NLGN1: variants seen among roughly 807,000 people sequenced by gnomAD.
The protein encoded by NLGN1 is neuroligin 1.
Under a neutral mutation model 65.5 loss-of-function variants are expected in NLGN1, and 12 were observed. The ratio of observed to expected loss-of-function variants is 0.18; its 90% confidence interval spans 0.12 to 0.30. The LOEUF (loss-of-function observed/expected upper bound fraction) is 0.30, where lower values mean the gene tolerates loss of function less well. Ranked by LOEUF, NLGN1 falls within the 10% of genes least tolerant of loss-of-function variation. The pLI is 1.00. For missense variants in NLGN1, 750 were observed against 1,007.1 expected (o/e 0.74, Z 3.46); for synonymous variants, 350 against 359.5 (o/e 0.97, Z 0.30).
In NLGN1 at chr3:173,901,375, G is replaced by C. The variant is rs1287201751; in HGVS notation, c.646+93543G>C. ...ACTAGTATTTTTTTTGGGGGGGTGT[G>C]TGTGTGTGTGTTTAAAAACAGTGGC... On this transcript the variant is annotated intron_variant, in intron 4 of 6. Coordinates refer to ENST00000457714, the Ensembl canonical transcript of NLGN1. Among the ~76,000 whole-genome samples, 6 of 147,950 alleles carry C rather than the reference G, an allele frequency of 4.1e-5. 1 individual carries two copies. The highest frequency in any genetic ancestry group is 2.2e-4 in the South Asian group (1 of 4,468).
chr3:173,530,041 C>G (rs1736307607), intron 2 of NLGN1, among the ~76,000 whole-genome samples: 1 of 151,778 alleles, frequency 6.6e-6, no homozygotes, highest in Non-Finnish European at 1.5e-5. Flanking sequence ...TACTGCAACC[C>G]CCGCCTCCTG....
chr3:173,668,397 A>G (rs979482867), intron 3 of NLGN1, among the ~76,000 whole-genome samples: 1 of 152,142 alleles, frequency 6.6e-6, no homozygotes, highest in African/African-American at 2.4e-5. Flanking sequence ...ATAGTGGTGT[A>G]GAGGCTGGCT....
chr3:173,495,092 A>G (rs1341270992), intron 2 of NLGN1, among the ~76,000 whole-genome samples: 3 of 151,796 alleles, frequency 2.0e-5, no homozygotes, highest in Non-Finnish European at 2.9e-5. Flanking sequence ...TAATTTGAGG[A>G]TCATTACTAT....
At chr3:173,730,663 A>G (rs1772674041) in intron 3 of NLGN1, among the ~76,000 whole-genome samples, 1 of 152,106 alleles carries the variant, frequency 6.6e-6, no homozygotes, top group Non-Finnish European at 1.5e-5. Flanking sequence ...TCCATATGAA[A>G]TGAGAGTATT....
intron 4 of NLGN1, among the ~76,000 whole-genome samples, chr3:174,084,241 AAG>A (rs1553929824): frequency 3.3e-5 from 5 of 152,312 alleles, no homozygotes; most frequent in South Asian, 2.1e-4. Context: ...TTTTTAAAAA[AAG>A]AGTTTTCCTC....
intron 4 of NLGN1, among the ~76,000 whole-genome samples, chr3:174,065,727 A>G (rs76741653): frequency 6.6e-6 from 1 of 151,604 alleles, no homozygotes; most frequent in East Asian, 1.9e-4. Flanking sequence ...AAAAAAAAAA[A>G]CAACATGACA....
chr3:174,062,384 T>G (rs1346342221), intron 4 of NLGN1, among the ~76,000 whole-genome samples: 5 of 152,104 alleles, frequency 3.3e-5, no homozygotes, highest in Non-Finnish European at 5.9e-5. Context: ...AGAAACTGAT[T>G]TTTTTCTTCA....
intron 4 of NLGN1, among the ~76,000 whole-genome samples, chr3:174,010,624 T>C (rs1028825932): frequency 3.3e-5 from 5 of 152,184 alleles, no homozygotes; most frequent in East Asian, 3.8e-4. Context: ...GCAGATTTTA[T>C]ATAACATCTG....
intron 3 of NLGN1, among the ~76,000 whole-genome samples, chr3:173,748,960 G>T (rs1775933871): frequency 6.6e-6 from 1 of 151,986 alleles, no homozygotes; most frequent in African/African-American, 2.4e-5. Flanking sequence ...TTCAAAGTAG[G>T]TGCGTCATTA....
chr3:174,019,803 G>T (rs1047205877), intron 4 of NLGN1, among the ~76,000 whole-genome samples: 1 of 151,964 alleles, frequency 6.6e-6, no homozygotes, highest in African/African-American at 2.4e-5. Flanking sequence ...GCATAGTTAC[G>T]CACTAGAACA....
intron 4 of NLGN1, among the ~76,000 whole-genome samples, chr3:173,833,552 C>T (rs1723014618): frequency 6.6e-6 from 1 of 152,046 alleles, no homozygotes; most frequent in Non-Finnish European, 1.5e-5. Flanking sequence ...TCATTTCCCA[C>T]TTTCTTGTCC....
intron 4 of NLGN1, among the ~76,000 whole-genome samples, chr3:174,273,312 C>T (rs1431997194): frequency 6.6e-6 from 1 of 151,656 alleles, no homozygotes; most frequent in Non-Finnish European, 1.5e-5. Context: ...CTCTCACACG[C>T]ACATATCCTT....
chr3:174,224,782 T>C (rs1240324265), intron 4 of NLGN1, among the ~76,000 whole-genome samples: 1 of 152,172 alleles, frequency 6.6e-6, no homozygotes, highest in Non-Finnish European at 1.5e-5. Flanking sequence ...AACCGAACTT[T>C]TTTTGCACTA....
intron 4 of NLGN1, among the ~76,000 whole-genome samples, chr3:174,018,093 C>T (rs1209327701): frequency 6.6e-6 from 1 of 152,092 alleles, no homozygotes; most frequent in Non-Finnish European, 1.5e-5. Flanking sequence ...CAGGGATGTC[C>T]CTTGCTGAGA....
chr3:174,106,980 T>TCACACA (rs370193288), intron 4 of NLGN1, among the ~76,000 whole-genome samples: 4 of 113,186 alleles, frequency 3.5e-5, no homozygotes, highest in Admixed American at 1.0e-4. Flanking sequence ...TCTTCAAGAA[T>TCACACA]CACACACACA....
chr3:173,646,461 T>C (rs1462604067), intron 3 of NLGN1, among the ~76,000 whole-genome samples: 1 of 152,342 alleles, frequency 6.6e-6, no homozygotes, highest in Admixed American at 6.5e-5. Flanking sequence ...TTAATTCTTT[T>C]GAATAATTTT....
chr3:173,678,702 G>A (rs1560153597), intron 3 of NLGN1, among the ~76,000 whole-genome samples: 2 of 152,144 alleles, frequency 1.3e-5, no homozygotes, highest in South Asian at 4.1e-4. Context: ...TTTTAAATTA[G>A]GAGAGTGATG....
intron 3 of NLGN1, among the ~76,000 whole-genome samples, chr3:173,784,548 GC>G (rs1462649861): frequency 6.6e-6 from 1 of 152,136 alleles, no homozygotes; most frequent in African/African-American, 2.4e-5. Context: ...GAGGCAGAGA[GC>G]GAGAGGCAGA....
intron 4 of NLGN1, among the ~76,000 whole-genome samples, chr3:173,841,816 G>T (rs572199505): frequency 6.6e-6 from 1 of 152,256 alleles, no homozygotes; most frequent in Admixed American, 6.5e-5. Context: ...GTTCCTTAGA[G>T]AGGCAATGGA....
Sources: gnomAD v4.1 joint callset for allele counts (sites outside exome capture counted in the v4.1 genomes callset) on GRCh38, gnomAD v4.1.1 for gene constraint, MANE v1.5 for transcripts, NCBI Gene and HGNC (gene_info 2026-07-23, HGNC 2026-07-21) for gene names.